Variants in PDGFD observed in about 807,000 individuals in gnomAD.
PDGFD encodes the protein platelet derived growth factor D, also known as platelet-derived growth factor D.
In PDGFD, 30 loss-of-function variants were observed where a neutral mutation model predicts 44.7. The ratio of observed to expected loss-of-function variants is 0.67; its 90% CI spans 0.50 to 0.91. The LOEUF is 0.91. Among genes scored for constraint, PDGFD ranks in the 40% least tolerant of loss-of-function variants. The pLI, the probability that PDGFD is intolerant of heterozygous loss-of-function variation, is 0.00. For missense variants in PDGFD, 445 were observed against 457.8 expected, an observed-to-expected ratio of 0.97 and a Z score of 0.25; for synonymous variants, 173 against 168.4, an observed-to-expected ratio of 1.03 and a Z score of -0.21.
chr11:104,046,575 C>T (rs1271841891), intron 1 of PDGFD, among the ~76,000 whole-genome samples: 1 of 147,294 alleles, frequency 6.8e-6, no homozygotes, highest in African/African-American at 2.5e-5. Context: ...CAAAGCCTCA[C>T]TGCATAATGA....
intron 1 of PDGFD, among the ~76,000 whole-genome samples, chr11:104,116,789 G>A (rs111825952): frequency 0.13 from 19,790 of 151,790 alleles, 1,419 homozygotes; most frequent in East Asian, 0.29. Flanking sequence ...GGTCTTTCCC[G>A]TGGCATTTTC....
At chr11:104,114,389 A>G (rs901548286) in intron 1 of PDGFD, among the ~76,000 whole-genome samples, 1 of 151,992 alleles carries the variant, frequency 6.6e-6, no homozygotes, top group African/African-American at 2.4e-5. Context: ...GATCTGTTAT[A>G]AATCACTTGA....
At chr11:104,110,025 C>T (rs1353747933) in intron 1 of PDGFD, among the ~76,000 whole-genome samples, 1 of 152,028 alleles carries the variant, frequency 6.6e-6, no homozygotes, top group Non-Finnish European at 1.5e-5. Flanking sequence ...GAAAAAAAAT[C>T]TCAGGAATAT....
At chr11:103,965,825 C>T (rs1365347190) in intron 3 of PDGFD, among the ~76,000 whole-genome samples, 4 of 151,868 alleles carry the variant, frequency 2.6e-5, no homozygotes, top group Admixed American at 1.3e-4. Flanking sequence ...AAATGGAAAA[C>T]CCTGACACTT....
intron 6 of PDGFD, among the ~76,000 whole-genome samples, chr11:103,920,457 G>C (rs1858197085): frequency 6.6e-6 from 1 of 152,218 alleles, no homozygotes; most frequent in Non-Finnish European, 1.5e-5. Flanking sequence ...TTAGCATTGG[G>C]TATCACTCAT....
chr11:103,938,918 C>T (rs1189825578), intron 5 of PDGFD, among the ~76,000 whole-genome samples: 2 of 152,168 alleles, frequency 1.3e-5, no homozygotes, highest in African/African-American at 4.8e-5. Flanking sequence ...GTTGATATCT[C>T]TGTTTTGGTA....
intron 1 of PDGFD, among the ~76,000 whole-genome samples, chr11:104,030,361 T>C (rs1860106108): frequency 6.6e-6 from 1 of 152,080 alleles, no homozygotes; most frequent in African/African-American, 2.4e-5. Flanking sequence ...GGCTGGAGAA[T>C]AATAAAGGCC....
chr11:103,979,183 G>A (rs1859227095), intron 3 of PDGFD, among the ~76,000 whole-genome samples: 1 of 152,036 alleles, frequency 6.6e-6, no homozygotes, highest in African/African-American at 2.4e-5. Flanking sequence ...AAAGCCTGAA[G>A]TCTTTGGCCA....
intron 6 of PDGFD, among the ~76,000 whole-genome samples, chr11:103,911,117 G>A (rs1044649529): frequency 2.6e-5 from 4 of 152,172 alleles, no homozygotes; most frequent in African/African-American, 9.7e-5. Flanking sequence ...CCATCTCCCT[G>A]GGACAGAGAA....
chr11:104,061,763 A>G (rs973254710), intron 1 of PDGFD, among the ~76,000 whole-genome samples: 1 of 152,130 alleles, frequency 6.6e-6, no homozygotes, highest in African/African-American at 2.4e-5. Flanking sequence ...GCATGCCACC[A>G]TGCCTGACTA....
chr11:104,123,516 A>C (rs1861805174), intron 1 of PDGFD, among the ~76,000 whole-genome samples: 1 of 152,104 alleles, frequency 6.6e-6, no homozygotes, highest in Admixed American at 6.6e-5. Flanking sequence ...TAATGAGTAC[A>C]GGCATCTATT....
chr11:104,036,195 T>A (rs1476293942), intron 1 of PDGFD, among the ~76,000 whole-genome samples: 1 of 152,106 alleles, frequency 6.6e-6, no homozygotes, highest in African/African-American at 2.4e-5. Flanking sequence ...TTCCAGCACT[T>A]TGGGAGGCCG....
chr11:104,049,924 G>A (rs1039713193), intron 1 of PDGFD, among the ~76,000 whole-genome samples: 1 of 152,104 alleles, frequency 6.6e-6, no homozygotes, highest in African/African-American at 2.4e-5. Context: ...GGAGGTGGGA[G>A]AGCAACTAAC....
chr11:103,909,686 A>G lies in PDGFD; in HGVS notation c.*8T>C, dbSNP rs1206918573. On this transcript the variant is annotated 3_prime_UTR_variant, in exon 7 of 7. Coordinates refer to ENST00000393158, the MANE Select transcript of PDGFD (RefSeq NM_025208.5). ...TTTCAGGCTTAATGTAAGGATGTGC[A>G]CATTCTCTTATCGAGGTGGTCTTGA... The G allele has an allele frequency of 6.2e-7, 1 of 1,613,926 alleles. No individual in the cohort carries two copies. The highest frequency in any genetic ancestry group is 1.3e-5 in the African/African-American group (1 of 74,914).
intron 3 of PDGFD, among the ~76,000 whole-genome samples, chr11:103,970,463 T>A (rs1224298481): frequency 1.3e-5 from 2 of 152,130 alleles, no homozygotes; most frequent in East Asian, 3.9e-4. Context: ...TGCTACAGCC[T>A]AGGAATCAAT....
At chr11:103,915,339 C>T (rs1432524353) in intron 6 of PDGFD, among the ~76,000 whole-genome samples, 1 of 152,172 alleles carries the variant, frequency 6.6e-6, no homozygotes, top group East Asian at 1.9e-4. Context: ...AGTGAACTCT[C>T]ATTCACAATT....
rs75031984 is a variant in PDGFD at position 104,144,797 on chromosome 11, T to C, written c.124+19007A>G. Among the ~76,000 whole-genome samples the C allele has an allele frequency of 7.6e-3, 1,156 of 152,254 alleles. 18 individuals carry two copies. The highest frequency in any genetic ancestry group is 0.026 in the African/African-American group (1,080 of 41,550). ...ATCCACTGTATGACTTCAGGGAAGT[T>C]ACTGCACCTTTCTCTGCCATGGTTT... On this transcript the variant is annotated intron_variant, in intron 1 of 6. Coordinates refer to ENST00000393158, the MANE Select transcript of PDGFD (RefSeq NM_025208.5).
chr11:103,986,025 A>G, intron 3 of PDGFD, among the ~76,000 whole-genome samples: 1 of 152,166 alleles, frequency 6.6e-6, no homozygotes, highest in East Asian at 1.9e-4. Context: ...CCAATTTTCA[A>G]TTGCAAAATA....
chr11:103,998,126 T>A (rs1475116897), intron 2 of PDGFD, among the ~76,000 whole-genome samples: 1 of 152,208 alleles, frequency 6.6e-6, no homozygotes, highest in African/African-American at 2.4e-5. Flanking sequence ...ATATTTGGTC[T>A]TTGTTCCTGG....
Sources: gnomAD v4.1 joint callset for allele counts (sites outside exome capture counted in the v4.1 genomes callset) on GRCh38, gnomAD v4.1.1 for gene constraint, MANE v1.5 for transcripts, NCBI Gene and HGNC (gene_info 2026-07-23, HGNC 2026-07-21) for gene names.